Variants in PREX1 observed in about 807,000 individuals in gnomAD.
PREX1 encodes the protein phosphatidylinositol 3,4,5-trisphosphate-dependent Rac exchanger 1 protein.
A neutral mutation model predicts 198.3 loss-of-function variants in PREX1; 41 were observed. The ratio of observed to expected loss-of-function variants is 0.21; its 90% CI spans 0.16 to 0.27. PREX1 has a LOEUF of 0.27. PREX1 is among the 10% of genes least tolerant of loss of function. PREX1 has a pLI of 1.00. For synonymous variants in PREX1, 843 were observed against 887.2 expected (o/e 0.95, Z 0.89); for missense variants, 1,620 against 2,200.7 (o/e 0.74, Z 5.28).
At chr20:48,862,196 G>A in the PREX1 span, among the ~76,000 whole-genome samples, 20 of 152,034 alleles carry the variant, frequency 1.3e-4, no homozygotes, top group Admixed American at 7.2e-4. Flanking sequence ...GCGACAGAGC[G>A]AGACTCTGTC....
intron 5 of PREX1, among the ~76,000 whole-genome samples, chr20:48,716,349 C>G (rs2089962464): frequency 6.6e-6 from 1 of 152,252 alleles, no homozygotes; most frequent in Non-Finnish European, 1.5e-5. Context: ...GGTGCCCGCT[C>G]TGAGCAGCCC....
intron 7 of PREX1, among the ~76,000 whole-genome samples, chr20:48,693,188 GTCCATCCATCCATCCATCCATCCA>G (rs10626115): frequency 2.0e-5 from 3 of 150,806 alleles, no homozygotes; most frequent in Non-Finnish European, 1.5e-5. Flanking sequence ...CTGGCAGTCC[GTCCATCCATCCATCCATCCATCCA>G]TCCATCCATC....
intron 1 of PREX1, among the ~76,000 whole-genome samples, chr20:48,811,235 G>A (rs751404486): frequency 7.2e-5 from 11 of 151,850 alleles, no homozygotes; most frequent in Non-Finnish European, 1.3e-4. Context: ...GGCTGGTCAC[G>A]AACTCCCGAC....
upstream of PREX1, among the ~76,000 whole-genome samples, chr20:48,831,733 G>A (rs1269120660): frequency 6.6e-6 from 1 of 152,178 alleles, no homozygotes; most frequent in Non-Finnish European, 1.5e-5. Flanking sequence ...GCAAGGGATG[G>A]GCCTGGGGAA....
Position 48,678,344 on chromosome 20 carries a change from G to A in PREX1, c.1589+1016C>T, listed in dbSNP as rs1246825415. ...AAATTAGCTAGGCATGGTGGTGCAC[G>A]CCTGTAGTCCCAGCTACCTAGGAGG... On this transcript the variant is annotated intron_variant, in intron 13 of 39. Transcript: ENST00000371941. Among the ~76,000 whole-genome samples the A allele has an allele frequency of 2.0e-5, 3 of 151,988 alleles. No individual in the cohort carries two copies. In the East Asian group the frequency reaches 5.8e-4, roughly 29 times the overall value.
At chr20:48,637,071 A>AC (rs2089370832) in intron 31 of PREX1, among the ~76,000 whole-genome samples, 1 of 152,232 alleles carries the variant, frequency 6.6e-6, no homozygotes, top group South Asian at 2.1e-4. Context: ...GCCAAGCTGC[A>AC]CATGTTCAGA....
At chr20:48,770,782 A>T (rs1406620702) in intron 1 of PREX1, among the ~76,000 whole-genome samples, 6 of 152,196 alleles carry the variant, frequency 3.9e-5, no homozygotes. Context: ...AAACCTTTGC[A>T]ATCACAAGGC....
rs1352222931 is a variant in PREX1 at position 48,670,368 on chromosome 20, C to T, written c.1666-4013G>A. On this transcript the variant is annotated intron_variant, in intron 14 of 39. Coordinates refer to ENST00000371941, the MANE Select transcript of PREX1 (RefSeq NM_020820.4). ...CCATCTGCCTGGTAGTGGGAGCCCA[C>T]GTGGCGGGCATTCCAGGTGCATTTC... Among the ~76,000 whole-genome samples the T allele has an allele frequency of 8.7e-5, 13 of 149,672 alleles. No individual in the cohort carries two copies. The East Asian group carries it at 2.4e-3, about 28-fold the overall frequency.
intron 18 of PREX1, among the ~76,000 whole-genome samples, chr20:48,656,319 C>T (rs1297527348): frequency 1.3e-5 from 2 of 152,152 alleles, no homozygotes; most frequent in Non-Finnish European, 1.5e-5. Flanking sequence ...TCAGCTCCCC[C>T]GAGAGCCACC....
At chr20:48,753,845 A>C (rs1295995994) in intron 1 of PREX1, among the ~76,000 whole-genome samples, 1 of 152,116 alleles carries the variant, frequency 6.6e-6, no homozygotes, top group African/African-American at 2.4e-5. Flanking sequence ...ATAAGAGAGG[A>C]TCTCACCCAC....
At chr20:48,693,258 G>A (rs2089828931) in intron 7 of PREX1, among the ~76,000 whole-genome samples, 2 of 152,006 alleles carry the variant, frequency 1.3e-5, no homozygotes, top group African/African-American at 4.8e-5. Flanking sequence ...TCATTCACTC[G>A]AGTGAATTCT....
chr20:48,682,029 A>C (rs756082033), intron 10 of PREX1, among the ~76,000 whole-genome samples: 2 of 152,138 alleles, frequency 1.3e-5, no homozygotes, highest in African/African-American at 2.4e-5. Context: ...TACTCACAAA[A>C]AAAATCCCAA....
the PREX1 span, among the ~76,000 whole-genome samples, chr20:48,887,687 C>T: frequency 8.6e-5 from 13 of 151,976 alleles, no homozygotes; most frequent in African/African-American, 2.9e-4. Context: ...TGATTCACGC[C>T]TGTAATCCCA....
Position 48,651,056 on chromosome 20 carries a change from C to T in PREX1, c.2656-1G>A. 1 of 1,613,832 alleles carries T rather than the reference C, an allele frequency of 6.2e-7. No homozygotes were observed. ...CATTGGCAGCAAAGGCCTCGAGGATCTGCAGAAATGTCAACAGCTACTGAG... is the reference window on the plus strand; with the variant it reads ...CATTGGCAGCAAAGGCCTCGAGGATTTGCAGAAATGTCAACAGCTACTGAG... On this transcript the variant is annotated splice_acceptor_variant, in intron 22 of 39. Transcript: ENST00000371941. LOFTEE classifies it high-confidence loss of function.
intron 1 of PREX1, among the ~76,000 whole-genome samples, chr20:48,756,354 C>G (rs983582028): frequency 1.3e-5 from 2 of 152,230 alleles, no homozygotes; most frequent in African/African-American, 4.8e-5. Flanking sequence ...TGGCTCAGAA[C>G]CAACTGAGGC....
the PREX1 span, among the ~76,000 whole-genome samples, chr20:48,875,283 C>T: frequency 6.5e-4 from 99 of 152,232 alleles, 2 homozygotes; most frequent in South Asian, 0.015. Context: ...GAGATCCCCG[C>T]AGAGGGAACG....
chr20:48,796,409 G>A (rs1416825190), intron 1 of PREX1, among the ~76,000 whole-genome samples: 2 of 151,944 alleles, frequency 1.3e-5, no homozygotes, highest in Admixed American at 6.6e-5. Context: ...CCATCATACA[G>A]GCACAAAGCA....
intron 1 of PREX1, among the ~76,000 whole-genome samples, chr20:48,794,951 C>G (rs374665596): frequency 2.0e-5 from 3 of 152,194 alleles, no homozygotes; most frequent in African/African-American, 7.2e-5. Context: ...CTCTTTAGTA[C>G]AGTTCCCAAT....
intron 29 of PREX1, among the ~76,000 whole-genome samples, chr20:48,640,974 C>T (rs1249406182): frequency 6.6e-6 from 1 of 150,992 alleles, no homozygotes; most frequent in Non-Finnish European, 1.5e-5. Context: ...GCATGGGTGG[C>T]TGAGTGGGTG....
Sources: allele counts gnomAD v4.1 joint callset (sites outside exome capture counted in the v4.1 genomes callset), GRCh38; gene constraint gnomAD v4.1.1; transcripts MANE v1.5; gene names NCBI Gene and HGNC (gene_info 2026-07-23, HGNC 2026-07-21).